The following GAB2 variants were observed in gnomAD, a reference collection of about 807,000 sequenced individuals.
The protein encoded by GAB2 is GRB2 associated binding protein 2, also known as GRB2-associated-binding protein 2.
A neutral mutation model predicts 65.5 loss-of-function variants in GAB2; 26 were observed. The observed-to-expected ratio is 0.40, with a 90% CI of 0.29 to 0.55. The LOEUF (loss-of-function observed/expected upper bound fraction) is 0.55. Ranked by LOEUF, GAB2 falls within the 20% of genes least tolerant of loss-of-function variation. The pLI is 0.53. For synonymous variants in GAB2, 321 were observed against 329.6 expected (o/e 0.97, Z 0.28); for missense variants, 884 against 875.8 (o/e 1.01, Z -0.12).
At chr11:78,257,472 C>T (rs1590972285) in intron 2 of GAB2, among the ~76,000 whole-genome samples, 1 of 152,230 alleles carries the variant, frequency 6.6e-6, no homozygotes, top group Non-Finnish European at 1.5e-5. Flanking sequence ...TTAATTCTCA[C>T]TTGTTCAATA....
chr11:78,227,714 C>T (rs1040532179), intron 3 of GAB2, among the ~76,000 whole-genome samples: 5 of 150,926 alleles, frequency 3.3e-5, no homozygotes, highest in South Asian at 2.1e-4. Context: ...GGAGGAGGAT[C>T]GCTTGAACCC....
At chr11:78,302,620 G>C (rs1867059847) in intron 1 of GAB2, among the ~76,000 whole-genome samples, 1 of 152,138 alleles carries the variant, frequency 6.6e-6, no homozygotes, top group Non-Finnish European at 1.5e-5. Flanking sequence ...ACAGTGTGAA[G>C]ATTCCTTGAA....
At chr11:78,290,300 G>A (rs1027046325) in intron 1 of GAB2, among the ~76,000 whole-genome samples, 1 of 152,154 alleles carries the variant, frequency 6.6e-6, no homozygotes, top group Admixed American at 6.5e-5. Flanking sequence ...AAAAGAATTT[G>A]TGTCTAGGAT....
chr11:78,364,468 CT>C (rs1165070150), intron 1 of GAB2, among the ~76,000 whole-genome samples: 2 of 152,140 alleles, frequency 1.3e-5, no homozygotes, highest in African/African-American at 4.8e-5. Flanking sequence ...AATAAATATC[CT>C]TAACTGGACA....
At chr11:78,265,127 A>G (rs1014808825) in intron 2 of GAB2, among the ~76,000 whole-genome samples, 66 of 151,652 alleles carry the variant, frequency 4.4e-4, no homozygotes, top group African/African-American at 1.6e-3. Flanking sequence ...CCACGTTTAG[A>G]CTAAAGTCAT....
intron 1 of GAB2, among the ~76,000 whole-genome samples, chr11:78,389,696 C>T (rs571018399): frequency 2.6e-5 from 4 of 152,272 alleles, no homozygotes; most frequent in South Asian, 4.1e-4. Flanking sequence ...AATATGTACA[C>T]TTTTAAATGG....
chr11:78,291,379 T>A (rs1204059668), intron 1 of GAB2, among the ~76,000 whole-genome samples: 1 of 148,208 alleles, frequency 6.7e-6, no homozygotes, highest in African/African-American at 2.5e-5. Context: ...GGCAGAAGAA[T>A]GGCTTGAACC....
At chr11:78,293,595 G>A (rs540342355) in intron 1 of GAB2, among the ~76,000 whole-genome samples, 4 of 152,258 alleles carry the variant, frequency 2.6e-5, no homozygotes, top group African/African-American at 9.6e-5. Flanking sequence ...AGTAGATCAT[G>A]GTAATCTAGA....
chr11:78,336,326 CAAAAAAAAAAAAAAAAA>C (rs71046966), intron 1 of GAB2, among the ~76,000 whole-genome samples: 8 of 19,254 alleles, frequency 4.2e-4, no homozygotes, highest in Middle Eastern at 0.05. Flanking sequence ...GACTGTCTCT[CAAAAAAAAAAAAAAAAA>C]AAAAAAAAAA....
At chr11:78,380,857 G>A (rs1293532059) in intron 1 of GAB2, among the ~76,000 whole-genome samples, 1 of 149,754 alleles carries the variant, frequency 6.7e-6, no homozygotes, top group African/African-American at 2.5e-5. Context: ...TCCTCATGGA[G>A]TAATCTTCCT....
At chr11:78,414,729 G>C (rs966553339) in intron 1 of GAB2, among the ~76,000 whole-genome samples, 6 of 152,118 alleles carry the variant, frequency 3.9e-5, no homozygotes, top group Admixed American at 3.9e-4. Flanking sequence ...GTAAATAGCA[G>C]ATAGGTCTCT....
intron 1 of GAB2, among the ~76,000 whole-genome samples, chr11:78,367,373 C>T (rs7950921): frequency 0.024 from 3,601 of 152,226 alleles, 143 homozygotes; most frequent in African/African-American, 0.082. Flanking sequence ...TGTATGTGTG[C>T]GTGCGTGCAT....
At chr11:78,325,661 C>T (rs58565853) in intron 1 of GAB2, among the ~76,000 whole-genome samples, 32,936 of 152,018 alleles carry the variant, frequency 0.22, 3,862 homozygotes, top group East Asian at 0.41. Flanking sequence ...GATGTGCCTT[C>T]TTCCTGACCA....
intron 1 of GAB2, among the ~76,000 whole-genome samples, chr11:78,295,682 T>C (rs562480861): frequency 8.5e-5 from 13 of 152,294 alleles, no homozygotes; most frequent in African/African-American, 2.6e-4. Context: ...GAACAGTGGA[T>C]GCTTGACGGA....
chr11:78,347,928 T>A (rs1856216150), intron 1 of GAB2, among the ~76,000 whole-genome samples: 1 of 152,138 alleles, frequency 6.6e-6, no homozygotes, highest in African/African-American at 2.4e-5. Flanking sequence ...TTGACTCCCC[T>A]GAAACTTAAC....
intron 1 of GAB2, among the ~76,000 whole-genome samples, chr11:78,286,276 T>TC (rs1866479206): frequency 6.6e-6 from 1 of 152,162 alleles, no homozygotes; most frequent in African/African-American, 2.4e-5. Context: ...CCTTACCTCA[T>TC]CCATCTGGAG....
intron 3 of GAB2, among the ~76,000 whole-genome samples, chr11:78,243,943 A>G (rs1832791681): frequency 6.6e-6 from 1 of 152,214 alleles, no homozygotes; most frequent in African/African-American, 2.4e-5. Context: ...CAACTTACCA[A>G]GATTGAACCC....
intron 1 of GAB2, among the ~76,000 whole-genome samples, chr11:78,409,018 A>G (rs981039022): frequency 4.6e-5 from 7 of 152,204 alleles, no homozygotes; most frequent in Non-Finnish European, 7.3e-5. Flanking sequence ...TATGCCACCT[A>G]TAAGATATCA....
At chr11:78,378,882 C>G (rs1856664757) in intron 1 of GAB2, among the ~76,000 whole-genome samples, 1 of 152,146 alleles carries the variant, frequency 6.6e-6, no homozygotes, top group African/African-American at 2.4e-5. Flanking sequence ...ACTATACCTG[C>G]TTAGATCACA....
Sources: gnomAD v4.1 joint callset for allele counts (sites outside exome capture counted in the v4.1 genomes callset) on GRCh38, gnomAD v4.1.1 for gene constraint, MANE v1.5 for transcripts, NCBI Gene and HGNC (gene_info 2026-07-23, HGNC 2026-07-21) for gene names.